Variants in CPB1 observed in about 807,000 individuals in gnomAD.
The protein encoded by CPB1 is carboxypeptidase B1.
In CPB1, 53 loss-of-function variants were observed where a neutral mutation model predicts 51.4. The observed-to-expected ratio is 1.03, with a 90% CI of 0.83 to 1.30. The LOEUF (loss-of-function observed/expected upper bound fraction) is 1.30, where lower values mean the gene tolerates loss of function less well. Among genes scored for constraint, CPB1 ranks in the 50% most tolerant of loss-of-function variants. The probability of loss-of-function intolerance (pLI) is 0.00; values close to 1 mark genes in which losing one functional copy is unlikely to be tolerated. For missense variants in CPB1, 494 were observed against 516.2 expected (o/e 0.96, Z 0.42); for synonymous variants, 189 against 186.9 (o/e 1.01, Z -0.09).
chr3:148,850,427 G>A (rs1420229102), intron 9 of CPB1, among the ~76,000 whole-genome samples: 4 of 151,992 alleles, frequency 2.6e-5, no homozygotes, highest in East Asian at 3.9e-4. Flanking sequence ...TCAGCCTCCC[G>A]AGTAGCTGGG....
chr3:148,856,218 T>C (rs1225219741), intron 9 of CPB1: 2 of 152,212 alleles, frequency 1.3e-5, no homozygotes, highest in African/African-American at 2.4e-5. Context: ...TAATGTTAGT[T>C]CCAGGAAGCT....
chr3:148,837,082 G>T (rs1186496816), intron 3 of CPB1, among the ~76,000 whole-genome samples: 1 of 152,156 alleles, frequency 6.6e-6, no homozygotes, highest in East Asian at 1.9e-4. Flanking sequence ...CTTAGTAACA[G>T]AAAGACTAGG....
chr3:148,858,784 C>T (rs1337446315), intron 10 of CPB1, among the ~76,000 whole-genome samples: 1 of 152,022 alleles, frequency 6.6e-6, no homozygotes, highest in East Asian at 1.9e-4. Context: ...TTCCACAGGC[C>T]TCATTTTCAA....
Position 148,827,908 on chromosome 3 carries a change from C to T in CPB1, c.71+14C>T. 1.9e-6 allele frequency: 3 copies of T among 1,613,998 alleles called. No individual in the cohort carries two copies. The highest frequency in any genetic ancestry group is 1.7e-5 in the Admixed American group (1 of 59,992). ...GCACTTTGAAGGGTAAGTAAGCCATCTTTAAGGAGCAAGTCCTTCTTCCTT... is the reference window on the plus strand; with the variant it reads ...GCACTTTGAAGGGTAAGTAAGCCATTTTTAAGGAGCAAGTCCTTCTTCCTT... On this transcript the variant is annotated intron_variant, in intron 1 of 10. Coordinates refer to ENST00000282957, the MANE Select transcript of CPB1 (RefSeq NM_001871.3).
chr3:148,829,918 C>T (rs1712683781), intron 2 of CPB1, among the ~76,000 whole-genome samples: 2 of 152,074 alleles, frequency 1.3e-5, no homozygotes, highest in Admixed American at 1.3e-4. Flanking sequence ...GGTAACTCTG[C>T]CTGGTGCTTT....
chr3:148,857,228 G>T (rs1175054617), intron 9 of CPB1: 1 of 418,456 alleles, frequency 2.4e-6, no homozygotes, highest in East Asian at 4.4e-5. Flanking sequence ...ATAAATAGAG[G>T]CTCAGAGTGA....
At chr3:148,858,832 T>G (rs1713670807) in intron 10 of CPB1, among the ~76,000 whole-genome samples, 1 of 152,216 alleles carries the variant, frequency 6.6e-6, no homozygotes, top group Non-Finnish European at 1.5e-5. Flanking sequence ...AAATGGTTTC[T>G]TTCTGCCTGA....
At position 148,845,557 on chromosome 3, in the gene CPB1, C is replaced by T. The variant is rs201123161; in HGVS notation, c.912C>T (p.His304=). 21 of 1,613,968 alleles carry T rather than the reference C, an allele frequency of 1.3e-5. No individual in the cohort carries two copies. The highest frequency in any genetic ancestry group is 1.2e-4 in the South Asian group (11 of 91,080). ...CCATCAAGGCATATCTGACAATCCACTCGTACTCCCAAATGATGATCTACC... is the reference window on the plus strand; with the variant it reads ...CCATCAAGGCATATCTGACAATCCATTCGTACTCCCAAATGATGATCTACC... ...LSSIKAYLTI[H]SYSQMMIYPY... is the part of the protein sequence containing the mutation. Residue 304 remains histidine (H), a synonymous_variant, in exon 9 of 11, where the codon CAC becomes CAT. Transcript: ENST00000282957.
At chr3:148,838,634 T>C (rs1712982645) in intron 3 of CPB1, among the ~76,000 whole-genome samples, 1 of 152,202 alleles carries the variant, frequency 6.6e-6, no homozygotes, top group Non-Finnish European at 1.5e-5. Context: ...CAGTGGTAAC[T>C]GGGAAATTTT....
At chr3:148,842,592 T>C (rs1315869741) in intron 6 of CPB1, among the ~76,000 whole-genome samples, 3 of 152,146 alleles carry the variant, frequency 2.0e-5, no homozygotes, top group Non-Finnish European at 4.4e-5. Flanking sequence ...TTACAACTAA[T>C]ATATGTACAA....
At chr3:148,847,295 G>A (rs1418607183) in intron 9 of CPB1, among the ~76,000 whole-genome samples, 4 of 144,716 alleles carry the variant, frequency 2.8e-5, no homozygotes, top group Non-Finnish European at 4.5e-5. Context: ...TTTTAGTGAT[G>A]AGACAGCTTT....
At chr3:148,837,799 G>A (rs1712950052) in intron 3 of CPB1, among the ~76,000 whole-genome samples, 1 of 151,930 alleles carries the variant, frequency 6.6e-6, no homozygotes, top group African/African-American at 2.4e-5. Context: ...TTTTACTCTT[G>A]GGTGTCATCT....
At chr3:148,841,312 A>G (rs1369238575) in intron 5 of CPB1, among the ~76,000 whole-genome samples, 2 of 152,208 alleles carry the variant, frequency 1.3e-5, no homozygotes, top group Non-Finnish European at 2.9e-5. Context: ...AGGTTCATAA[A>G]CTTCATGTCT....
rs1713183776 is a variant in CPB1, at chr3:148,844,741, A to G, written c.752A>G (p.Asn251Ser). The G allele has an allele frequency of 6.2e-7, 1 of 1,614,006 alleles. No individual in the cohort carries two copies. Among genetic ancestry groups the G allele is most frequent in the Non-Finnish European group, 8.5e-7 (1 of 1,179,866 alleles). ...TGSSCIGTDPNRNFDAGWCEI... is the reference protein window; with the variant it reads ...TGSSCIGTDPSRNFDAGWCEI... ...TCTAGCTGCATTGGCACAGACCCCAACAGAAATTTTGATGCTGGTTGGTGT... is the reference window on the plus strand; with the variant it reads ...TCTAGCTGCATTGGCACAGACCCCAGCAGAAATTTTGATGCTGGTTGGTGT... Residue 251 changes from asparagine (N) to serine (S), a missense_variant, in exon 8 of 11, where the codon AAC (asparagine) becomes AGC (serine). Transcript: ENST00000282957.
At chr3:148,849,559 G>A (rs73866673) in intron 9 of CPB1, among the ~76,000 whole-genome samples, 61 of 152,240 alleles carry the variant, frequency 4.0e-4, no homozygotes, top group African/African-American at 1.5e-3. Context: ...CTGCAAAGAT[G>A]TCTACATGAC....
At chr3:148,846,797 G>GTGTGTGTGTGTATATA (rs1364486523) in intron 9 of CPB1, among the ~76,000 whole-genome samples, 3 of 50,534 alleles carry the variant, frequency 5.9e-5, no homozygotes, top group Non-Finnish European at 1.3e-4. Context: ...GTGTGCGTGT[G>GTGTGTGTGTGTATATA]TATATATATA....
chr3:148,859,750 T>G, intron 10 of CPB1, 65 bp from the exon 11 acceptor site: 1 of 1,478,158 alleles, frequency 6.8e-7, no homozygotes, highest in Admixed American at 2.1e-5. Flanking sequence ...AAAAAGAAAC[T>G]GGCAATTTTT....
At position 148,844,514 on chromosome 3, in the gene CPB1, G is replaced by C; in HGVS notation, c.613G>C (p.Glu205Gln). Residue 205 changes from glutamate to glutamine, a missense_variant, in exon 7 of 11, where the codon GAG (glutamate) becomes CAG (glutamine). Physicochemically the swap from Glu to Gln is conservative, Grantham distance 29. Coordinates refer to ENST00000282957, the MANE Select transcript of CPB1 (RefSeq NM_001871.3). The stretch of plus-strand genomic sequence containing the variant: ...CTATGGACGTGAGATCCAAGTGACA[G>C]AGCTTCTCGACAAGTTAGACTTTTA... ...RTYGREIQVT[E>Q]LLDKLDFYVL... is the part of the protein sequence containing the mutation. 6.2e-7 allele frequency: 1 copy of C among 1,613,916 alleles called. No homozygotes were observed. The highest frequency in any genetic ancestry group is 8.5e-7 in the Non-Finnish European group (1 of 1,179,862).
At chr3:148,831,485 A>T (rs1022572746) in intron 2 of CPB1, among the ~76,000 whole-genome samples, 8 of 152,254 alleles carry the variant, frequency 5.3e-5, no homozygotes, top group Admixed American at 5.2e-4. Context: ...TTTTGAAGAA[A>T]AAAAGATCCC....
Sources: gnomAD v4.1 joint callset for allele counts (sites outside exome capture counted in the v4.1 genomes callset) on GRCh38, gnomAD v4.1.1 for gene constraint, MANE v1.5 for transcripts, NCBI Gene and HGNC (gene_info 2026-07-23, HGNC 2026-07-21) for gene names.